Variants in PGM5 observed in about 807,000 individuals in gnomAD.
The protein encoded by PGM5 is phosphoglucomutase 5.
PGM5 carries 23 observed loss-of-function variants against 59.2 expected under a neutral mutation model. That is an observed-to-expected ratio of 0.39 (90% CI 0.28 to 0.55). The LOEUF (loss-of-function observed/expected upper bound fraction) is 0.55. Ranked by LOEUF, PGM5 falls within the 20% of genes least tolerant of loss-of-function variation. The pLI is 0.66. For missense variants in PGM5, 574 were observed against 748.3 expected (o/e 0.77, Z 2.72); for synonymous variants, 214 against 286.0 (o/e 0.75, Z 2.54).
intron 2 of PGM5, among the ~76,000 whole-genome samples, chr9:68,379,977 G>T (rs1204045660): frequency 6.6e-6 from 1 of 151,874 alleles, no homozygotes; most frequent in African/African-American, 2.4e-5. Flanking sequence ...GGACATGAAG[G>T]AAGAAATATA....
Position 68,508,670 on chromosome 9 carries a change from G to A in PGM5, c.1614+9309G>A, listed in dbSNP as rs148415015. On this transcript the variant is annotated intron_variant, in intron 10 of 10. Transcript: ENST00000396396. ...AAAGGAGCATGAATGAATTTGCAGC[G>A]GTCACACAAGTCCAGAGGTCACTGG... Among the ~76,000 whole-genome samples, 69 of 152,272 alleles carry A rather than the reference G, an allele frequency of 4.5e-4. No homozygotes were observed. The East Asian group carries it at 0.01, about 23-fold the overall frequency.
At position 68,463,981 on chromosome 9, in the gene PGM5, T is replaced by C. The variant is rs144328626; in HGVS notation, c.1044-1112T>C. On this transcript the variant is annotated intron_variant, in intron 6 of 10. Coordinates refer to ENST00000396396, the MANE Select transcript of PGM5 (RefSeq NM_021965.4). The stretch of plus-strand genomic sequence containing the variant: ...AACCAATCATAAAGGGGAAAAATTG[T>C]AAGTCAAACCATCATAAGCCAGATC... 1.8e-4 allele frequency among the ~76,000 whole-genome samples: 27 copies of C among 152,308 alleles called. No individual in the cohort carries two copies. In the East Asian group the frequency reaches 5.0e-3, roughly 28 times the overall value.
At position 68,385,667 on chromosome 9, in the gene PGM5, T is replaced by C. The variant is rs1252375985; in HGVS notation, c.571+1123T>C. ...TGGACAATTAAAGGCAAGGGGTACA[T>C]TATATTAAGCAAAATGATTTCAATA... On this transcript the variant is annotated intron_variant, in intron 3 of 10. Transcript: ENST00000396396. Among the ~76,000 whole-genome samples the C allele has an allele frequency of 2.0e-5, 3 of 151,920 alleles. No homozygotes were observed. The East Asian group carries it at 5.8e-4, about 29-fold the overall frequency.
intron 9 of PGM5, chr9:68,497,637 A>T (rs1438006758): frequency 6.6e-6 from 1 of 152,256 alleles, no homozygotes; most frequent in Non-Finnish European, 1.5e-5. Flanking sequence ...CTAATGGCTT[A>T]TTCTTAAACA....
At chr9:68,457,998 C>G (rs1554685061) in intron 6 of PGM5, among the ~76,000 whole-genome samples, 1 of 152,182 alleles carries the variant, frequency 6.6e-6, no homozygotes, top group African/African-American at 2.4e-5. Context: ...TTAAAATTCC[C>G]CAGCCCTAGA....
At chr9:68,461,220 G>A (rs1823854364) in intron 6 of PGM5, among the ~76,000 whole-genome samples, 1 of 152,038 alleles carries the variant, frequency 6.6e-6, no homozygotes, top group Non-Finnish European at 1.5e-5. Flanking sequence ...AGATTGCTGG[G>A]CTTGTCCACA....
At chr9:68,403,347 G>A (rs1554680834) in intron 6 of PGM5, among the ~76,000 whole-genome samples, 2 of 152,128 alleles carry the variant, frequency 1.3e-5, no homozygotes, top group Non-Finnish European at 2.9e-5. Context: ...ACATTATGGT[G>A]TGTTGTATAA....
chr9:68,441,650 A>G (rs1823530536), intron 6 of PGM5, among the ~76,000 whole-genome samples: 2 of 152,172 alleles, frequency 1.3e-5, no homozygotes, highest in Non-Finnish European at 2.9e-5. Flanking sequence ...AATCATATTT[A>G]ATAGTAAAAG....
At chr9:68,406,927 A>G (rs1413162191) in intron 6 of PGM5, among the ~76,000 whole-genome samples, 1 of 151,458 alleles carries the variant, frequency 6.6e-6, no homozygotes, top group African/African-American at 2.4e-5. Flanking sequence ...TGTGGATACT[A>G]GTGAGGCAGG....
chr9:68,514,184 T>C (rs1554689574), intron 10 of PGM5, among the ~76,000 whole-genome samples: 1 of 152,214 alleles, frequency 6.6e-6, no homozygotes, highest in Non-Finnish European at 1.5e-5. Flanking sequence ...GAAGTCCTAA[T>C]GCTGGGCGTG....
At chr9:68,429,345 T>C (rs1388532085) in intron 6 of PGM5, 1 of 152,076 alleles carries the variant, frequency 6.6e-6, no homozygotes, top group Non-Finnish European at 1.5e-5. Context: ...GCTAGAGCAA[T>C]AAATACAATC....
intron 2 of PGM5, among the ~76,000 whole-genome samples, chr9:68,383,578 G>A (rs1822132409): frequency 6.6e-6 from 1 of 151,726 alleles, no homozygotes; most frequent in Admixed American, 6.6e-5. Context: ...TTTTTGTTCA[G>A]TAGAAAGTTA....
chr9:68,444,354 T>G (rs1823577555), intron 6 of PGM5, among the ~76,000 whole-genome samples: 1 of 152,176 alleles, frequency 6.6e-6, no homozygotes. Context: ...TGCATATGGT[T>G]ATGATATAAG....
At chr9:68,366,468 T>C (rs1405065364) in intron 1 of PGM5, among the ~76,000 whole-genome samples, 2 of 152,128 alleles carry the variant, frequency 1.3e-5, no homozygotes, top group Non-Finnish European at 2.9e-5. Context: ...CTTTTCTGTA[T>C]ATAATGTAGG....
intron 4 of PGM5, among the ~76,000 whole-genome samples, chr9:68,390,714 C>T (rs1315517374): frequency 1.3e-5 from 2 of 152,128 alleles, no homozygotes; most frequent in African/African-American, 4.8e-5. Context: ...CATAATGTTC[C>T]TTCGATTTAG....
In PGM5 at chr9:68,368,379, A is replaced by C. The variant is rs1371443987; in HGVS notation, c.262-9820A>C. On this transcript the variant is annotated intron_variant, in intron 1 of 10. Coordinates refer to ENST00000396396, the MANE Select transcript of PGM5 (RefSeq NM_021965.4). ...GTGAGCTCAACAACATTGATCAGTT[A>C]GCAGTCCGGTTCAGTACAACATTGA... Among the ~76,000 whole-genome samples, 5 of 151,228 alleles carry C rather than the reference A, an allele frequency of 3.3e-5. No homozygotes were observed. The East Asian group carries it at 9.7e-4, about 29-fold the overall frequency.
At chr9:68,375,143 C>G (rs1554677474) in intron 1 of PGM5, among the ~76,000 whole-genome samples, 1 of 152,146 alleles carries the variant, frequency 6.6e-6, no homozygotes, top group African/African-American at 2.4e-5. Flanking sequence ...GGCGGCTGGT[C>G]TCTCCCAAAA....
chr9:68,428,051 T>A (rs1010316586), intron 6 of PGM5, among the ~76,000 whole-genome samples: 1 of 152,226 alleles, frequency 6.6e-6, no homozygotes, highest in Non-Finnish European at 1.5e-5. Context: ...CTCTCCAAAT[T>A]TGGCTAAAAA....
At chr9:68,361,762 A>T (rs1257581937) in intron 1 of PGM5, among the ~76,000 whole-genome samples, 1 of 152,122 alleles carries the variant, frequency 6.6e-6, no homozygotes, top group African/African-American at 2.4e-5. Flanking sequence ...TTAGGATGTC[A>T]ACATATTAAT....
Sources: allele counts gnomAD v4.1 joint callset (sites outside exome capture counted in the v4.1 genomes callset), GRCh38; gene constraint gnomAD v4.1.1; transcripts MANE v1.5; gene names NCBI Gene and HGNC (gene_info 2026-07-23, HGNC 2026-07-21).